Variants in NCOA2 observed in about 807,000 individuals in gnomAD.
NCOA2 encodes nuclear receptor coactivator 2.
In NCOA2, 21 loss-of-function variants were observed where a neutral mutation model predicts 145.1. That is an observed-to-expected ratio of 0.14 (90% CI 0.10 to 0.21). The LOEUF (loss-of-function observed/expected upper bound fraction) is 0.21, where lower values mean the gene tolerates loss of function less well. NCOA2 is among the 10% of genes least tolerant of loss of function. NCOA2 has a pLI of 1.00. For missense variants in NCOA2, 1,472 were observed against 1,837.6 expected (o/e 0.80, Z 3.64); for synonymous variants, 619 against 637.5 (o/e 0.97, Z 0.44).
the NCOA2 span, among the ~76,000 whole-genome samples, chr8:70,447,682 C>CTTTTTTTTTTTTTT: frequency 1.5e-4 from 17 of 113,092 alleles, 1 homozygote; most frequent in East Asian, 1.3e-3. Flanking sequence ...TCTTTGTTTT[C>CTTTTTTTTTTTTTT]TTTTTTTTTT....
intron 2 of NCOA2, among the ~76,000 whole-genome samples, chr8:70,278,853 C>T (rs1160210228): frequency 6.6e-6 from 1 of 151,760 alleles, no homozygotes; most frequent in East Asian, 1.9e-4. Flanking sequence ...GTAATCCCAG[C>T]TACAAGGTAG....
At chr8:70,185,700 C>A (rs1394302473) in intron 4 of NCOA2, among the ~76,000 whole-genome samples, 2 of 152,132 alleles carry the variant, frequency 1.3e-5, no homozygotes, top group Non-Finnish European at 2.9e-5. Flanking sequence ...CTCCCACAGG[C>A]AAAGATCTCT....
At chr8:70,413,116 A>T in the NCOA2 span, among the ~76,000 whole-genome samples, 2 of 151,764 alleles carry the variant, frequency 1.3e-5, no homozygotes, top group Non-Finnish European at 2.9e-5. Flanking sequence ...AAAAAAAAAA[A>T]AGAATAGAGA....
chr8:70,187,424 C>T (rs185148228), intron 4 of NCOA2, among the ~76,000 whole-genome samples: 3 of 152,248 alleles, frequency 2.0e-5, no homozygotes, highest in African/African-American at 7.2e-5. Flanking sequence ...ATATCGGTTA[C>T]GTGCTCTCAA....
chr8:70,311,573 C>G (rs1805125350), intron 1 of NCOA2, among the ~76,000 whole-genome samples: 1 of 152,170 alleles, frequency 6.6e-6, no homozygotes, highest in African/African-American at 2.4e-5. Context: ...TACCAACATT[C>G]CATTATAAAA....
At position 70,220,800 on chromosome 8, in the gene NCOA2, C is replaced by G. The variant is rs73291104; in HGVS notation, c.-19-4036G>C. On this transcript the variant is annotated intron_variant, in intron 2 of 22. Coordinates refer to ENST00000452400, the MANE Select transcript of NCOA2 (RefSeq NM_006540.4). Reference sequence around the variant, plus strand: ...ATGTAAACGATAATATGCATTTTATCTTTTATCAAGACAGCCTATCTTCCA... The same window carrying G: ...ATGTAAACGATAATATGCATTTTATGTTTTATCAAGACAGCCTATCTTCCA... Among the ~76,000 whole-genome samples, 644 of 152,242 alleles carry G rather than the reference C, an allele frequency of 4.2e-3. 5 individuals carry two copies. Among genetic ancestry groups the G allele is most frequent in the African/African-American group, 0.015 (615 of 41,548 alleles).
chr8:70,371,814 A>G (rs1586622300), intron 1 of NCOA2, among the ~76,000 whole-genome samples: 1 of 152,220 alleles, frequency 6.6e-6, no homozygotes, highest in East Asian at 1.9e-4. Flanking sequence ...AAAATTTCTT[A>G]TCACTTCTAG....
At chr8:70,419,373 AT>A in the NCOA2 span, among the ~76,000 whole-genome samples, 4 of 152,162 alleles carry the variant, frequency 2.6e-5, no homozygotes, top group Non-Finnish European at 5.9e-5. Context: ...AATAGTATCT[AT>A]TTTTAAGTAC....
Position 70,141,274 on chromosome 8 carries a change from T to C in NCOA2, c.2938A>G (p.Met980Val), listed in dbSNP as rs746009713. The C allele has an allele frequency of 6.8e-6, 11 of 1,613,810 alleles. No homozygotes were observed. The highest frequency in any genetic ancestry group is 8.5e-6 in the Non-Finnish European group (10 of 1,179,872). The stretch of plus-strand genomic sequence containing the variant: ...ATGCTGGCTGCTGGGTTCCGAATCA[T>C]ACCTCCTTGGACTGGCCGGTTCATG... Reference protein sequence around the residue: ...SAMNRPVQGGMIRNPAASIPM... With the variant: ...SAMNRPVQGGVIRNPAASIPM... The change falls in exon 14 of 23, where the codon ATG becomes GTG. Residue 980 changes from methionine to valine, a missense_variant. This residue lies in a region of NCOA2 where 953 missense variants were observed against 1,062.1 expected (regional missense o/e 0.90). Transcript: ENST00000452400.
chr8:70,385,770 T>G (rs531490898), intron 1 of NCOA2, among the ~76,000 whole-genome samples: 18 of 152,356 alleles, frequency 1.2e-4, no homozygotes, highest in African/African-American at 4.1e-4. Flanking sequence ...TCCAATAGAA[T>G]GTTCCACAAA....
chr8:70,192,393 G>T (rs1430351850), intron 4 of NCOA2, among the ~76,000 whole-genome samples: 1 of 152,230 alleles, frequency 6.6e-6, no homozygotes, highest in Non-Finnish European at 1.5e-5. Context: ...GACTTATAAA[G>T]TAAAGGAAGG....
chr8:70,249,963 C>CAAAA (rs747018939), intron 2 of NCOA2, among the ~76,000 whole-genome samples: 5,151 of 75,100 alleles, frequency 0.069, 427 homozygotes, highest in East Asian at 0.12. Flanking sequence ...AATCTGCCTC[C>CAAAA]AAAAAAAAAA....
Position 70,329,262 on chromosome 8 carries a change from G to A in NCOA2, c.-76-32462C>T, listed in dbSNP as rs775235115. 3.9e-5 allele frequency among the ~76,000 whole-genome samples: 6 copies of A among 151,904 alleles called. No individual in the cohort carries two copies. In the East Asian group the frequency reaches 7.7e-4, roughly 20 times the overall value. On this transcript the variant is annotated intron_variant, in intron 1 of 22. Transcript: ENST00000452400. ...CTCCTAAGTAGTTGGGACTACAGGC[G>A]TGAGCCACCACACCTGGCTTATTTT... is the stretch of plus-strand genomic sequence containing the variant.
chr8:70,303,601 A>G (rs1272948641), intron 1 of NCOA2, among the ~76,000 whole-genome samples: 1 of 152,222 alleles, frequency 6.6e-6, no homozygotes, highest in Non-Finnish European at 1.5e-5. Context: ...TGCTGTCATT[A>G]TCTTATACTA....
intron 18 of NCOA2, among the ~76,000 whole-genome samples, chr8:70,127,755 G>A (rs1281046091): frequency 6.6e-6 from 1 of 152,182 alleles, no homozygotes; most frequent in Non-Finnish European, 1.5e-5. Flanking sequence ...TCGTAGACAT[G>A]AGCACAGTGG....
chr8:70,390,792 C>T (rs977764242), intron 1 of NCOA2, among the ~76,000 whole-genome samples: 3 of 149,838 alleles, frequency 2.0e-5, no homozygotes, highest in South Asian at 2.1e-4. Context: ...TAAATAAATA[C>T]ATACATACAT....
chr8:70,260,914 A>G (rs1262157893), intron 2 of NCOA2, among the ~76,000 whole-genome samples: 2 of 152,198 alleles, frequency 1.3e-5, no homozygotes, highest in East Asian at 3.8e-4. Context: ...ACCATCTCAC[A>G]CCAGTTAGAA....
At chr8:70,216,831 T>C in intron 2 of NCOA2, 67 bp from the exon 3 acceptor site, 1 of 1,002,470 alleles carries the variant, frequency 1.0e-6, no homozygotes, top group East Asian at 2.4e-5. Flanking sequence ...GTCTGATCAT[T>C]TTACCAACAA....
At chr8:70,175,737 G>A (rs192829896) in intron 4 of NCOA2, among the ~76,000 whole-genome samples, 237 of 152,308 alleles carry the variant, frequency 1.6e-3, no homozygotes, top group Admixed American at 0.013. Flanking sequence ...ACAAAACAAC[G>A]TGACAATTAT....
Sources: allele counts gnomAD v4.1 joint callset (sites outside exome capture counted in the v4.1 genomes callset), GRCh38; gene constraint gnomAD v4.1.1; regional missense constraint gnomAD v4.1.1; transcripts MANE v1.5; gene names NCBI Gene and HGNC (gene_info 2026-07-23, HGNC 2026-07-21).